MAP4K3: variants seen among roughly 807,000 people sequenced by gnomAD.
MAP4K3 encodes mitogen-activated protein kinase kinase kinase kinase 3.
Under a neutral mutation model 143.5 loss-of-function variants are expected in MAP4K3, and 94 were observed. The ratio of observed to expected loss-of-function variants is 0.65; its 90% CI spans 0.55 to 0.78. The LOEUF is 0.78. MAP4K3 is among the 30% of genes least tolerant of loss of function. The probability of loss-of-function intolerance (pLI) is 0.00; values close to 1 mark genes in which losing one functional copy is unlikely to be tolerated. For synonymous variants in MAP4K3, 416 were observed against 347.2 expected (o/e 1.20, Z -2.20); for missense variants, 1,077 against 1,068.1 (o/e 1.01, Z -0.12).
chr2:39,418,442 G>A (rs765110853), intron 1 of MAP4K3, among the ~76,000 whole-genome samples: 13 of 152,092 alleles, frequency 8.5e-5, no homozygotes, highest in Non-Finnish European at 1.9e-4. Context: ...AGTAATTTAC[G>A]AAGCTACTCC....
chr2:39,333,961 T>TTGTGTGTGTGTGTGTGTGTG (rs60361690), intron 6 of MAP4K3, among the ~76,000 whole-genome samples: 5 of 144,144 alleles, frequency 3.5e-5, no homozygotes, highest in East Asian at 4.1e-4. Flanking sequence ...TTTCCCATTT[T>TTGTGTGTGTGTGTGTGTGTG]TGTGTGTGTG....
intron 2 of MAP4K3, among the ~76,000 whole-genome samples, chr2:39,365,883 G>C (rs1008928225): frequency 1.3e-5 from 2 of 152,184 alleles, no homozygotes; most frequent in Non-Finnish European, 2.9e-5. Flanking sequence ...TAAACACAGA[G>C]AAGTGAGAAC....
chr2:39,396,331 A>C (rs1319077348), intron 1 of MAP4K3, among the ~76,000 whole-genome samples: 2 of 152,064 alleles, frequency 1.3e-5, no homozygotes, highest in Non-Finnish European at 2.9e-5. Context: ...GAGCCACTGC[A>C]CCCGGCCTAC....
intron 1 of MAP4K3, among the ~76,000 whole-genome samples, chr2:39,418,724 A>G (rs1307759733): frequency 6.6e-6 from 1 of 152,046 alleles, no homozygotes; most frequent in African/African-American, 2.4e-5. Flanking sequence ...CAATCTAACC[A>G]TGAGAAAAAA....
At chr2:39,388,571 T>C (rs1442430971) in intron 1 of MAP4K3, among the ~76,000 whole-genome samples, 1 of 152,210 alleles carries the variant, frequency 6.6e-6, no homozygotes, top group African/African-American at 2.4e-5. Context: ...TTGGGACCAC[T>C]GCATAAAACC....
At chr2:39,410,768 T>G (rs1035497073) in intron 1 of MAP4K3, among the ~76,000 whole-genome samples, 1 of 152,222 alleles carries the variant, frequency 6.6e-6, no homozygotes, top group African/African-American at 2.4e-5. Flanking sequence ...AATGTAATTT[T>G]CACTATAGCA....
At chr2:39,385,876 C>A (rs1666492287) in intron 1 of MAP4K3, among the ~76,000 whole-genome samples, 1 of 152,054 alleles carries the variant, frequency 6.6e-6, no homozygotes, top group Admixed American at 6.5e-5. Flanking sequence ...AGGTGATCCA[C>A]CCGTCTTGGC....
chr2:39,270,774 A>C (rs1399416564), intron 26 of MAP4K3, among the ~76,000 whole-genome samples: 3 of 152,202 alleles, frequency 2.0e-5, no homozygotes, highest in Non-Finnish European at 2.9e-5. Context: ...TAAGACACTC[A>C]GTAGAGGTTT....
rs763031746 is a variant in MAP4K3 at position 39,257,461 on chromosome 2, A to C, written c.2470+887T>G. 5.6e-4 allele frequency among the ~76,000 whole-genome samples: 85 copies of C among 152,182 alleles called. 1 individual carries two copies. Among genetic ancestry groups the C allele is most frequent in the Non-Finnish European group, 1.1e-3 (76 of 68,038 alleles). On this transcript the variant is annotated intron_variant, in intron 31 of 33. Coordinates refer to ENST00000263881, the MANE Select transcript of MAP4K3 (RefSeq NM_003618.4). ...TAAAGCACTTATAGAAAAACCCTAC[A>C]GGAGTCTGGAGGAAATGGGAATTCA...
intron 1 of MAP4K3, among the ~76,000 whole-genome samples, chr2:39,399,810 A>G (rs1489983050): frequency 2.0e-5 from 3 of 152,190 alleles, no homozygotes; most frequent in Non-Finnish European, 4.4e-5. Context: ...TTTAGTGTTT[A>G]TTACAAGAGA....
chr2:39,370,556 G>T (rs1449848011), intron 2 of MAP4K3, among the ~76,000 whole-genome samples: 1 of 152,110 alleles, frequency 6.6e-6, no homozygotes, highest in Non-Finnish European at 1.5e-5. Flanking sequence ...AACTTTGGAG[G>T]TCCATGAAAA....
At chr2:39,408,757 T>C (rs992247699) in intron 1 of MAP4K3, among the ~76,000 whole-genome samples, 3 of 151,944 alleles carry the variant, frequency 2.0e-5, no homozygotes, top group Non-Finnish European at 2.9e-5. Context: ...AGCAACTTGA[T>C]GGAGATGAGT....
chr2:39,269,682 C>G (rs1336511887), intron 26 of MAP4K3, among the ~76,000 whole-genome samples: 4 of 151,976 alleles, frequency 2.6e-5, no homozygotes, highest in Non-Finnish European at 5.9e-5. Context: ...ACTGTTACCT[C>G]TTTTTAAGTA....
At chr2:39,424,269 T>C (rs1051100127) in intron 1 of MAP4K3, among the ~76,000 whole-genome samples, 1 of 152,062 alleles carries the variant, frequency 6.6e-6, no homozygotes, top group African/African-American at 2.4e-5. Context: ...AACAAATGTA[T>C]CACACTGAAT....
chr2:39,421,965 T>G (rs1572511543), intron 1 of MAP4K3, among the ~76,000 whole-genome samples: 1 of 151,844 alleles, frequency 6.6e-6, no homozygotes, highest in South Asian at 2.1e-4. Flanking sequence ...TATTGGGAAT[T>G]ACATAATACT....
intron 4 of MAP4K3, among the ~76,000 whole-genome samples, chr2:39,339,946 C>G (rs1306668174): frequency 6.6e-6 from 1 of 151,876 alleles, no homozygotes; most frequent in Admixed American, 6.6e-5. Context: ...AATAATTAAC[C>G]ATAAAGATAT....
intron 13 of MAP4K3, 56 bp from the exon 14 acceptor site, chr2:39,309,575 TGAGGCAGAGTC>T: frequency 9.9e-7 from 1 of 1,009,300 alleles, no homozygotes; most frequent in African/African-American, 2.1e-5. Flanking sequence ...TTTTTTTTTT[TGAGGCAGAGTC>T]TTGCTCTGTC....
intron 2 of MAP4K3, among the ~76,000 whole-genome samples, chr2:39,375,118 G>A (rs1248295117): frequency 2.6e-5 from 4 of 152,110 alleles, no homozygotes; most frequent in African/African-American, 9.7e-5. Flanking sequence ...AATTAGCTGG[G>A]TGTCATGTCA....
intron 24 of MAP4K3, among the ~76,000 whole-genome samples, chr2:39,278,086 A>G (rs1382609459): frequency 2.0e-5 from 3 of 151,332 alleles, no homozygotes; most frequent in African/African-American, 7.3e-5. Context: ...GTTCAAGACC[A>G]GCCTGGCCAA....
Sources: gnomAD v4.1 joint callset for allele counts (sites outside exome capture counted in the v4.1 genomes callset) on GRCh38, gnomAD v4.1.1 for gene constraint, MANE v1.5 for transcripts, NCBI Gene and HGNC (gene_info 2026-07-23, HGNC 2026-07-21) for gene names.